RAD51B: variants seen among roughly 807,000 people sequenced by gnomAD.
RAD51B encodes the protein DNA repair protein RAD51 homolog 2.
Under a neutral mutation model 42.2 loss-of-function variants are expected in RAD51B, and 38 were observed. That is an observed-to-expected ratio of 0.90 (90% CI 0.70 to 1.18). The LOEUF is 1.18. Ranked by LOEUF, RAD51B falls within the 50% of genes most tolerant of loss-of-function variation. RAD51B has a pLI of 0.00. For synonymous variants in RAD51B, 154 were observed against 145.2 expected, an observed-to-expected ratio of 1.06 and a Z score of -0.43; for missense variants, 373 against 400.7, an observed-to-expected ratio of 0.93 and a Z score of 0.59.
intron 8 of RAD51B, among the ~76,000 whole-genome samples, chr14:68,312,742 T>C (rs2081987099): frequency 6.6e-6 from 1 of 152,250 alleles, no homozygotes; most frequent in Admixed American, 6.5e-5. Context: ...ATGTTTGTTA[T>C]AGCCTTTCTA....
intron 8 of RAD51B, among the ~76,000 whole-genome samples, chr14:68,326,544 A>G (rs1312495922): frequency 6.6e-6 from 1 of 152,196 alleles, no homozygotes; most frequent in Non-Finnish European, 1.5e-5. Flanking sequence ...TTCTTCTTCC[A>G]GCCCAGTCTG....
intron 7 of RAD51B, among the ~76,000 whole-genome samples, chr14:68,256,094 GTGCTGCACCTTACCTC>G (rs2080748787): frequency 6.6e-6 from 1 of 152,218 alleles, no homozygotes; most frequent in African/African-American, 2.4e-5. Context: ...GAAGAAATAT[GTGCTGCACCTTACCTC>G]TGACTAGATT....
intron 7 of RAD51B, among the ~76,000 whole-genome samples, chr14:68,210,334 A>G (rs2079680768): frequency 6.6e-6 from 1 of 152,174 alleles, no homozygotes; most frequent in South Asian, 2.1e-4. Flanking sequence ...ATGGGATGAC[A>G]ATTTTTATAC....
chr14:67,842,512 G>A lies in RAD51B; in HGVS notation c.315+7316G>A, dbSNP rs1013858278. 2.0e-5 allele frequency among the ~76,000 whole-genome samples: 3 copies of A among 152,100 alleles called. No homozygotes were observed. In the East Asian group the frequency reaches 5.8e-4, roughly 29 times the overall value. On this transcript the variant is annotated intron_variant, in intron 4 of 10. Coordinates refer to ENST00000471583, the MANE Select transcript of RAD51B (RefSeq NM_133510.4). ...AGCCTTTCAAGTAGCTGGGACTATA[G>A]GCGTGCACTACCACTCCCAGCTAAT... is the stretch of plus-strand genomic sequence containing the variant.
At chr14:68,421,882 G>T in intron 9 of RAD51B, 1 of 1,592,772 alleles carries the variant, frequency 6.3e-7, no homozygotes, top group Non-Finnish European at 8.6e-7. Flanking sequence ...TTTGTGTTGG[G>T]TCCAGCATTT....
At chr14:68,195,927 A>AAG (rs1412726447) in intron 7 of RAD51B, among the ~76,000 whole-genome samples, 23 of 6,364 alleles carry the variant, frequency 3.6e-3, no homozygotes, top group African/African-American at 0.011. Flanking sequence ...AAAAAAAAAC[A>AAG]ACAATTAGGG....
chr14:68,271,968 A>T, intron 7 of RAD51B, among the ~76,000 whole-genome samples: 1 of 152,232 alleles, frequency 6.6e-6, no homozygotes, highest in East Asian at 1.9e-4. Flanking sequence ...CAAATGCATG[A>T]AGTTATCTTT....
chr14:68,640,004 G>A (rs550813965), intron 10 of RAD51B, among the ~76,000 whole-genome samples: 34 of 152,158 alleles, frequency 2.2e-4, no homozygotes, highest in Non-Finnish European at 2.9e-4. Flanking sequence ...GTTTCACCAC[G>A]TTGGCCAGGC....
At chr14:68,508,894 AGGGAAG>A (rs1885524202) in intron 10 of RAD51B, among the ~76,000 whole-genome samples, 1 of 152,236 alleles carries the variant, frequency 6.6e-6, no homozygotes, top group Non-Finnish European at 1.5e-5. Context: ...GTTTGCTTTT[AGGGAAG>A]GGCAAGGTGA....
chr14:68,136,061 T>C (rs1029097174), intron 7 of RAD51B, among the ~76,000 whole-genome samples: 3 of 152,336 alleles, frequency 2.0e-5, no homozygotes, highest in Middle Eastern at 6.8e-3. Context: ...ACACTTTTCC[T>C]ATCTGTAAAC....
intron 7 of RAD51B, among the ~76,000 whole-genome samples, chr14:68,233,125 T>G (rs2080179583): frequency 6.6e-6 from 1 of 152,204 alleles, no homozygotes; most frequent in Non-Finnish European, 1.5e-5. Flanking sequence ...TAATGTAATG[T>G]TAGATATTGT....
At chr14:67,951,921 TAACCCC>T (rs1388606126) in intron 7 of RAD51B, among the ~76,000 whole-genome samples, 1 of 152,166 alleles carries the variant, frequency 6.6e-6, no homozygotes, top group Admixed American at 6.6e-5. Context: ...TTTGCGTAAA[TAACCCC>T]ATGTGACTCA....
At chr14:68,049,138 C>T (rs1208862308) in intron 7 of RAD51B, among the ~76,000 whole-genome samples, 2 of 151,658 alleles carry the variant, frequency 1.3e-5, no homozygotes, top group Non-Finnish European at 2.9e-5. Context: ...TGTTCTCACT[C>T]ACAGGTGGGA....
chr14:68,363,745 G>A (rs952997446), intron 8 of RAD51B, among the ~76,000 whole-genome samples: 1 of 152,178 alleles, frequency 6.6e-6, no homozygotes, highest in African/African-American at 2.4e-5. Context: ...GAGTGGGAGT[G>A]TGTGTGCACA....
chr14:68,085,301 G>T (rs1450061510), intron 7 of RAD51B, among the ~76,000 whole-genome samples: 4 of 152,110 alleles, frequency 2.6e-5, no homozygotes, highest in African/African-American at 9.7e-5. Context: ...GTATAGATTG[G>T]GTGTTCTTCA....
chr14:67,985,157 C>G (rs2075161988), intron 7 of RAD51B, among the ~76,000 whole-genome samples: 1 of 152,140 alleles, frequency 6.6e-6, no homozygotes, highest in South Asian at 2.1e-4. Context: ...CAGTCAGCTC[C>G]CATAAGCCAT....
chr14:68,512,809 C>G lies in RAD51B; in HGVS notation c.1036+44559C>G, dbSNP rs72727494. Among the ~76,000 whole-genome samples the G allele has an allele frequency of 5.6e-3, 846 of 152,044 alleles. 9 individuals carry two copies. The highest frequency in any genetic ancestry group is 0.044 in the Middle Eastern group (13 of 294). ...GTGATAAATGCCTTGAGAAAGGAAGCAGGTTAAGAGATGGCAGTGAGGGGT... is the reference window on the plus strand; with the variant it reads ...GTGATAAATGCCTTGAGAAAGGAAGGAGGTTAAGAGATGGCAGTGAGGGGT... On this transcript the variant is annotated intron_variant, in intron 10 of 10. Transcript: ENST00000487270.
intron 7 of RAD51B, among the ~76,000 whole-genome samples, chr14:68,163,482 C>T (rs2078686978): frequency 1.3e-5 from 2 of 152,232 alleles, no homozygotes; most frequent in African/African-American, 4.8e-5. Flanking sequence ...TCCTTCAGCT[C>T]ATGCCTGTCG....
chr14:68,108,945 T>G (rs2140576715), intron 7 of RAD51B, among the ~76,000 whole-genome samples: 1 of 152,092 alleles, frequency 6.6e-6, no homozygotes, highest in South Asian at 2.1e-4. Context: ...TTTCATTATT[T>G]TATCAATCTG....
Sources: gnomAD v4.1 joint callset for allele counts (sites outside exome capture counted in the v4.1 genomes callset) on GRCh38, gnomAD v4.1.1 for gene constraint, MANE v1.5 for transcripts, NCBI Gene and HGNC (gene_info 2026-07-23, HGNC 2026-07-21) for gene names.